RPS6KC1: variants seen among roughly 807,000 people sequenced by gnomAD.
RPS6KC1 encodes the protein ribosomal protein S6 kinase C1.
Under a neutral mutation model 103.8 loss-of-function variants are expected in RPS6KC1, and 54 were observed. That is an observed-to-expected ratio of 0.52 (90% confidence interval 0.42 to 0.65). The LOEUF (loss-of-function observed/expected upper bound fraction) is 0.65, where lower values mean the gene tolerates loss of function less well. RPS6KC1 is among the 30% of genes least tolerant of loss of function. The pLI is 0.00. For synonymous variants in RPS6KC1, 439 were observed against 438.7 expected (o/e 1.00, Z -0.01); for missense variants, 1,151 against 1,253.8 (o/e 0.92, Z 1.24).
the RPS6KC1 span, among the ~76,000 whole-genome samples, chr1:213,380,730 T>C: frequency 6.6e-6 from 1 of 152,234 alleles, no homozygotes; most frequent in Non-Finnish European, 1.5e-5. Context: ...AAAGGAAATG[T>C]GCTGCGGGGT....
the RPS6KC1 span, among the ~76,000 whole-genome samples, chr1:213,732,190 T>G: frequency 6.6e-6 from 1 of 152,184 alleles, no homozygotes; most frequent in Non-Finnish European, 1.5e-5. Context: ...CAAATCTAGG[T>G]GGTACCATTT....
chr1:213,788,996 G>C, the RPS6KC1 span, among the ~76,000 whole-genome samples: 154 of 152,282 alleles, frequency 1.0e-3, no homozygotes, highest in Admixed American at 4.8e-3. Context: ...GGGGTGGACA[G>C]CACATTTTTG....
chr1:213,276,241 C>T (rs2095112258), downstream of RPS6KC1, among the ~76,000 whole-genome samples: 1 of 152,182 alleles, frequency 6.6e-6, no homozygotes, highest in African/African-American at 2.4e-5. Flanking sequence ...CTCCCAAGGG[C>T]TCCTCAGAGC....
chr1:213,313,273 C>T, the RPS6KC1 span, among the ~76,000 whole-genome samples: 2 of 152,116 alleles, frequency 1.3e-5, no homozygotes, highest in Non-Finnish European at 2.9e-5. Flanking sequence ...GCCACCAATC[C>T]GCCCAGAGGA....
chr1:213,854,795 C>T, the RPS6KC1 span, among the ~76,000 whole-genome samples: 1 of 152,182 alleles, frequency 6.6e-6, no homozygotes, highest in Non-Finnish European at 1.5e-5. Flanking sequence ...CAAGCAGCCT[C>T]TGGTTAGAGT....
intron 5 of RPS6KC1, among the ~76,000 whole-genome samples, chr1:213,118,900 G>T (rs934944229): frequency 4.0e-5 from 6 of 151,844 alleles, no homozygotes; most frequent in African/African-American, 9.7e-5. Context: ...GTGTGTGTCG[G>T]GGGCGGTGGT....
intron 7 of RPS6KC1, among the ~76,000 whole-genome samples, chr1:213,168,361 A>C (rs2091180044): frequency 6.6e-6 from 1 of 152,250 alleles, no homozygotes; most frequent in Non-Finnish European, 1.5e-5. Flanking sequence ...TTATACAAGT[A>C]TATGCTATTG....
chr1:213,111,252 T>G (rs2083004330), intron 4 of RPS6KC1, among the ~76,000 whole-genome samples: 1 of 152,148 alleles, frequency 6.6e-6, no homozygotes, highest in Non-Finnish European at 1.5e-5. Flanking sequence ...TTGCTGGATC[T>G]CCTCACTTAA....
chr1:213,221,712 C>G (rs2093836805), intron 8 of RPS6KC1, among the ~76,000 whole-genome samples: 1 of 152,178 alleles, frequency 6.6e-6, no homozygotes, highest in South Asian at 2.1e-4. Context: ...GTTACTTGCT[C>G]TTCCTAACCT....
chr1:213,602,510 G>A, the RPS6KC1 span, among the ~76,000 whole-genome samples: 1 of 152,028 alleles, frequency 6.6e-6, no homozygotes, highest in African/African-American at 2.4e-5. Flanking sequence ...TGGGATTACA[G>A]GCGTGAGCCA....
the RPS6KC1 span, among the ~76,000 whole-genome samples, chr1:213,853,526 A>C: frequency 6.6e-6 from 1 of 152,228 alleles, no homozygotes; most frequent in Non-Finnish European, 1.5e-5. Context: ...GGCATACTCC[A>C]TGCTGTGAGA....
chr1:213,330,846 C>T, the RPS6KC1 span, among the ~76,000 whole-genome samples: 1 of 152,160 alleles, frequency 6.6e-6, no homozygotes. Flanking sequence ...TTTTCATTTT[C>T]TCCTAGAAGG....
chr1:213,362,447 G>T, the RPS6KC1 span, among the ~76,000 whole-genome samples: 9 of 152,212 alleles, frequency 5.9e-5, no homozygotes, highest in African/African-American at 2.2e-4. Flanking sequence ...AGATAGAATT[G>T]CTCCCTTTTA....
chr1:213,603,889 A>G, the RPS6KC1 span, among the ~76,000 whole-genome samples: 1 of 152,026 alleles, frequency 6.6e-6, no homozygotes. Flanking sequence ...AAAGAGAAAA[A>G]AGAAAAAAAA....
At chr1:213,172,683 A>ACTC (rs2091566659) in intron 7 of RPS6KC1, among the ~76,000 whole-genome samples, 1 of 152,050 alleles carries the variant, frequency 6.6e-6, no homozygotes, top group African/African-American at 2.4e-5. Context: ...TGTATTGAGA[A>ACTC]GAGTTGTGAG....
chr1:213,392,018 T>G, the RPS6KC1 span, among the ~76,000 whole-genome samples: 2 of 152,166 alleles, frequency 1.3e-5, no homozygotes, highest in Non-Finnish European at 2.9e-5. Context: ...TTGAATTTTT[T>G]GAATTCTTCT....
the RPS6KC1 span, among the ~76,000 whole-genome samples, chr1:213,685,135 G>A: frequency 6.6e-6 from 1 of 152,084 alleles, no homozygotes; most frequent in East Asian, 1.9e-4. Flanking sequence ...AACATTACAT[G>A]CTTGAGTCTT....
At chr1:213,613,153 A>G in the RPS6KC1 span, among the ~76,000 whole-genome samples, 1 of 152,228 alleles carries the variant, frequency 6.6e-6, no homozygotes, top group Non-Finnish European at 1.5e-5. Flanking sequence ...GACCGTTATT[A>G]TGAATGAAGG....
the RPS6KC1 span, among the ~76,000 whole-genome samples, chr1:213,743,853 G>A: frequency 6.6e-6 from 1 of 152,200 alleles, no homozygotes; most frequent in African/African-American, 2.4e-5. Flanking sequence ...AGGCCAAAGA[G>A]TGCTTGAGGA....
Sources: gnomAD v4.1 joint callset for allele counts (sites outside exome capture counted in the v4.1 genomes callset) on GRCh38, gnomAD v4.1.1 for gene constraint, MANE v1.5 for transcripts, NCBI Gene and HGNC (gene_info 2026-07-23, HGNC 2026-07-21) for gene names.